FGF12: variants seen among roughly 807,000 people sequenced by gnomAD.
FGF12 encodes the protein fibroblast growth factor 12, also known as fibroblast growth factor 12B.
In FGF12, 14 loss-of-function variants were observed where a neutral mutation model predicts 23.6. The observed-to-expected ratio is 0.59, with a 90% CI of 0.39 to 0.93. The LOEUF is 0.93. Among genes scored for constraint, FGF12 ranks in the 40% least tolerant of loss-of-function variants. FGF12 has a pLI of 0.00. For synonymous variants in FGF12, 62 were observed against 77.3 expected, an observed-to-expected ratio of 0.80 and a Z score of 1.04; for missense variants, 175 against 217.8, an observed-to-expected ratio of 0.80 and a Z score of 1.24.
chr3:192,680,103 G>A (rs374217040), intron 2 of FGF12, among the ~76,000 whole-genome samples: 11 of 152,206 alleles, frequency 7.2e-5, no homozygotes, highest in East Asian at 3.9e-4. Flanking sequence ...CATTGCCTCA[G>A]TGTGAAGAAA....
intron 2 of FGF12, among the ~76,000 whole-genome samples, chr3:192,603,815 C>T (rs1847342): frequency 0.15 from 22,978 of 152,070 alleles, 1,776 homozygotes; most frequent in Middle Eastern, 0.19. Context: ...CAGTGGTGCA[C>T]GTATTGTCTT....
At chr3:192,460,745 T>C (rs1686467009) in intron 2 of FGF12, among the ~76,000 whole-genome samples, 1 of 151,046 alleles carries the variant, frequency 6.6e-6, no homozygotes. Context: ...TGCCTTACAG[T>C]TGGAAACTTT....
At chr3:192,290,360 A>T (rs1714689768) in intron 4 of FGF12, among the ~76,000 whole-genome samples, 1 of 152,160 alleles carries the variant, frequency 6.6e-6, no homozygotes, top group South Asian at 2.1e-4. Context: ...GCTGCACTAC[A>T]CTGCCTACTG....
intron 2 of FGF12, among the ~76,000 whole-genome samples, chr3:192,523,067 C>A (rs899453933): frequency 2.6e-5 from 4 of 152,100 alleles, no homozygotes; most frequent in South Asian, 2.1e-4. Context: ...CAACAAAAAT[C>A]AGTTATATAA....
At chr3:192,337,718 T>C (rs1343438136) in intron 3 of FGF12, among the ~76,000 whole-genome samples, 1 of 152,166 alleles carries the variant, frequency 6.6e-6, no homozygotes, top group East Asian at 1.9e-4. Flanking sequence ...TAGAACCAAA[T>C]GCATTGTCAT....
At chr3:192,564,526 T>C (rs1712193845) in intron 2 of FGF12, among the ~76,000 whole-genome samples, 1 of 152,198 alleles carries the variant, frequency 6.6e-6, no homozygotes, top group Admixed American at 6.5e-5. Context: ...GTGATATGTC[T>C]AATGAATTGC....
Position 192,404,937 on chromosome 3 carries a change from A to T in FGF12, c.14-44399T>A, listed in dbSNP as rs561770114. ...TAAAATAACGATCACAATGATAATA[A>T]TAATACCAATGGTTAAAACTTTGAC... is the stretch of plus-strand genomic sequence containing the variant. On this transcript the variant is annotated intron_variant, in intron 2 of 5. Coordinates refer to ENST00000445105, the MANE Select transcript of FGF12 (RefSeq NM_004113.6). Among the ~76,000 whole-genome samples, 3 of 152,350 alleles carry T rather than the reference A, an allele frequency of 2.0e-5. No individual in the cohort carries two copies. The South Asian group carries it at 6.2e-4, about 32-fold the overall frequency.
chr3:192,509,864 T>A (rs2108838773), intron 2 of FGF12, among the ~76,000 whole-genome samples: 1 of 152,352 alleles, frequency 6.6e-6, no homozygotes, highest in South Asian at 2.1e-4. Flanking sequence ...CATAGCTCAG[T>A]AACTTTCCAT....
At chr3:192,358,803 T>C (rs1326627234) in intron 3 of FGF12, among the ~76,000 whole-genome samples, 1 of 152,182 alleles carries the variant, frequency 6.6e-6, no homozygotes, top group Non-Finnish European at 1.5e-5. Flanking sequence ...ATTGATTCTA[T>C]CTTCATCAAT....
At chr3:192,698,193 TTAAC>T (rs1718184973) in intron 2 of FGF12, among the ~76,000 whole-genome samples, 1 of 152,208 alleles carries the variant, frequency 6.6e-6, no homozygotes, top group African/African-American at 2.4e-5. Flanking sequence ...TTTTAATGAA[TTAAC>T]TAATCAATTA....
chr3:192,355,645 T>A (rs1263835775), intron 3 of FGF12, among the ~76,000 whole-genome samples: 1 of 152,126 alleles, frequency 6.6e-6, no homozygotes, highest in Non-Finnish European at 1.5e-5. Flanking sequence ...GTGTGTCAAG[T>A]GGTTTTAAGG....
At chr3:192,305,695 T>TATATAA (rs1299668639) in intron 4 of FGF12, among the ~76,000 whole-genome samples, 185 of 144,766 alleles carry the variant, frequency 1.3e-3, no homozygotes, top group Non-Finnish European at 2.1e-3. Context: ...TATATATATA[T>TATATAA]AAATATATAT....
chr3:192,500,437 T>TCCC (rs34993789), intron 2 of FGF12, among the ~76,000 whole-genome samples: 15 of 145,352 alleles, frequency 1.0e-4, no homozygotes, highest in African/African-American at 3.6e-4. Context: ...AAATCCAACA[T>TCCC]CCCCCCACCC....
intron 2 of FGF12, among the ~76,000 whole-genome samples, chr3:192,476,959 A>G (rs963121030): frequency 4.6e-5 from 7 of 152,180 alleles, no homozygotes; most frequent in Admixed American, 2.0e-4. Flanking sequence ...TGGCATTCTT[A>G]AGTTTGGATA....
intron 4 of FGF12, among the ~76,000 whole-genome samples, chr3:192,311,462 A>G (rs1395524778): frequency 6.6e-6 from 1 of 152,216 alleles, no homozygotes; most frequent in Non-Finnish European, 1.5e-5. Context: ...TTATCGTAGC[A>G]TGCATCAGTA....
intron 2 of FGF12, among the ~76,000 whole-genome samples, chr3:192,651,635 T>C (rs1716218914): frequency 6.6e-6 from 1 of 152,210 alleles, no homozygotes; most frequent in African/African-American, 2.4e-5. Context: ...AGAAAATATA[T>C]TGAAACCACT....
intron 4 of FGF12, among the ~76,000 whole-genome samples, chr3:192,235,988 G>A (rs910917133): frequency 2.6e-5 from 4 of 152,062 alleles, no homozygotes; most frequent in Non-Finnish European, 5.9e-5. Flanking sequence ...GCTTGATGTA[G>A]GCATTTCATG....
intron 4 of FGF12, among the ~76,000 whole-genome samples, chr3:192,328,474 T>C (rs1163075169): frequency 6.6e-6 from 1 of 152,210 alleles, no homozygotes; most frequent in African/African-American, 2.4e-5. Flanking sequence ...AAGAGTAACA[T>C]GTCCTGACTC....
At chr3:192,386,999 A>G (rs1478700844) in intron 2 of FGF12, among the ~76,000 whole-genome samples, 2 of 152,248 alleles carry the variant, frequency 1.3e-5, no homozygotes, top group African/African-American at 4.8e-5. Flanking sequence ...GAATATCTCT[A>G]TACATTGTAC....
Sources: allele counts gnomAD v4.1 joint callset (sites outside exome capture counted in the v4.1 genomes callset), GRCh38; gene constraint gnomAD v4.1.1; transcripts MANE v1.5; gene names NCBI Gene and HGNC (gene_info 2026-07-23, HGNC 2026-07-21).